PCDHA12: variants seen among roughly 807,000 people sequenced by gnomAD.
The protein encoded by PCDHA12 is protocadherin alpha-12.
Under a neutral mutation model 60.0 loss-of-function variants are expected in PCDHA12, and 44 were observed. The ratio of observed to expected loss-of-function variants is 0.73; its 90% CI spans 0.58 to 0.94. The LOEUF (loss-of-function observed/expected upper bound fraction) is 0.94. PCDHA12 is among the 40% of genes least tolerant of loss of function. PCDHA12 has a pLI of 0.00. For missense variants in PCDHA12, 1,276 were observed against 1,239.7 expected, an observed-to-expected ratio of 1.03 and a Z score of -0.44; for synonymous variants, 569 against 553.0, an observed-to-expected ratio of 1.03 and a Z score of -0.40.
intron 1 of PCDHA12, chr5:140,927,409 A>C (rs1554204480): frequency 2.5e-6 from 4 of 1,614,002 alleles, no homozygotes; most frequent in Non-Finnish European, 3.4e-6. Flanking sequence ...TCGCCTGGAC[A>C]TGGGATCGCG....
intron 3 of PCDHA12, among the ~76,000 whole-genome samples, chr5:141,003,540 T>C (rs2098129225): frequency 6.6e-6 from 1 of 152,188 alleles, no homozygotes; most frequent in Non-Finnish European, 1.5e-5. Flanking sequence ...CTTGAACTCC[T>C]GGCTTCAAGT....
At chr5:140,946,374 CGGTT>C (rs1308149019) in intron 1 of PCDHA12, among the ~76,000 whole-genome samples, 6 of 151,656 alleles carry the variant, frequency 4.0e-5, no homozygotes, top group Non-Finnish European at 5.9e-5. Flanking sequence ...CTCTTGCACA[CGGTT>C]GGTAGGAATG....
intron 1 of PCDHA12, among the ~76,000 whole-genome samples, chr5:140,942,587 CAT>C (rs2093330311): frequency 6.7e-6 from 1 of 148,732 alleles, no homozygotes; most frequent in East Asian, 2.0e-4. Flanking sequence ...TAGGATGTCA[CAT>C]ATAATTATAG....
At chr5:141,002,342 C>A (rs1047277199) in intron 3 of PCDHA12, among the ~76,000 whole-genome samples, 3 of 152,070 alleles carry the variant, frequency 2.0e-5, no homozygotes, top group African/African-American at 4.8e-5. Flanking sequence ...CGCACCCCTT[C>A]CCCCACCTCC....
chr5:140,883,557 G>T, intron 1 of PCDHA12: 1 of 1,614,214 alleles, frequency 6.2e-7, no homozygotes, highest in South Asian at 1.1e-5. Flanking sequence ...GCGCGGGACG[G>T]GGGCTCGCCT....
chr5:140,909,117 G>T lies in PCDHA12; in HGVS notation c.2367+31278G>T, dbSNP rs576916273. Among the ~76,000 whole-genome samples the T allele has an allele frequency of 1.1e-4, 16 of 152,272 alleles. No homozygotes were observed. The South Asian group carries it at 3.1e-3, about 30-fold the overall frequency. On this transcript the variant is annotated intron_variant, in intron 1 of 3. Transcript: ENST00000398631. ...ACTCACTGGGTCCAATCAGCAAAAT[G>T]TCATCAAGGTAATGAACCAGTGTGA...
chr5:140,948,255 C>G (rs1271882562), intron 1 of PCDHA12, among the ~76,000 whole-genome samples: 1 of 151,484 alleles, frequency 6.6e-6, no homozygotes, highest in Non-Finnish European at 1.5e-5. Flanking sequence ...ATTTTTACAT[C>G]TGTGTTCATG....
chr5:140,968,966 T>C (rs781901506), intron 1 of PCDHA12: 1 of 1,614,216 alleles, frequency 6.2e-7, no homozygotes, highest in East Asian at 2.2e-5. Context: ...GTGCTACCGC[T>C]ACACTGCGTA....
chr5:140,913,284 G>A (rs1201275371), intron 1 of PCDHA12, among the ~76,000 whole-genome samples: 1 of 152,026 alleles, frequency 6.6e-6, no homozygotes, highest in Non-Finnish European at 1.5e-5. Context: ...GTCTGTTTAG[G>A]TTTTAATTTC....
rs536640692 is a variant in PCDHA12 at position 140,927,687 on chromosome 5, T to TG, written c.2367+49852dup. ...CCTTGGATCCAGATGAAGGGTCCAATGGGGAAGTCCAGTACTCCCTAAGCA... is the reference window on the plus strand; with the variant it reads ...CCTTGGATCCAGATGAAGGGTCCAATGGGGGAAGTCCAGTACTCCCTAAGCA... On this transcript the variant is annotated intron_variant, in intron 1 of 3. Coordinates refer to ENST00000398631, the MANE Select transcript of PCDHA12 (RefSeq NM_018903.4). The TG allele has an allele frequency of 3.2e-4, 518 of 1,614,158 alleles. 3 individuals carry two copies. In the Middle Eastern group the frequency reaches 0.011, roughly 35 times the overall value.
chr5:141,004,092 C>T (rs1245515449), intron 3 of PCDHA12, among the ~76,000 whole-genome samples: 1 of 152,198 alleles, frequency 6.6e-6, no homozygotes, highest in Non-Finnish European at 1.5e-5. Context: ...TGTGCTTCTT[C>T]CGTTTTCATC....
At chr5:140,927,782 C>T (rs550993125) in intron 1 of PCDHA12, 50 of 1,614,098 alleles carry the variant, frequency 3.1e-5, no homozygotes, top group South Asian at 2.2e-4. Context: ...CAAGTAGCTG[C>T]TTCACTAGGT....
chr5:141,008,036 C>G (rs1372261299), intron 3 of PCDHA12, among the ~76,000 whole-genome samples: 1 of 151,938 alleles, frequency 6.6e-6, no homozygotes, highest in Non-Finnish European at 1.5e-5. Context: ...GTTAATCTGC[C>G]TTTTGTAACA....
chr5:140,908,456 T>C (rs557022321), intron 1 of PCDHA12, among the ~76,000 whole-genome samples: 2 of 152,174 alleles, frequency 1.3e-5, no homozygotes, highest in South Asian at 4.1e-4. Context: ...GCTAGATGGA[T>C]CAGAAAGCAC....
At chr5:140,884,296 ACAGG>A in intron 1 of PCDHA12, 1 of 1,613,674 alleles carries the variant, frequency 6.2e-7, no homozygotes, top group Non-Finnish European at 8.5e-7. Flanking sequence ...GCCAAGCGCC[ACAGG>A]CTTCGTCGAG....
At chr5:140,993,540 A>T (rs1189758746) in intron 3 of PCDHA12, among the ~76,000 whole-genome samples, 7 of 151,678 alleles carry the variant, frequency 4.6e-5, no homozygotes, top group Non-Finnish European at 8.8e-5. Context: ...AGAGAGAGAT[A>T]GAGAAGTGAA....
intron 1 of PCDHA12, chr5:140,926,299 C>G (rs547710989): frequency 3.9e-5 from 6 of 152,464 alleles, no homozygotes; most frequent in Admixed American, 3.9e-4. Context: ...GAGTCCCGCC[C>G]TCTCCGCCGG....
chr5:140,927,967 AT>A, intron 1 of PCDHA12: 1 of 1,614,172 alleles, frequency 6.2e-7, no homozygotes, highest in Non-Finnish European at 8.5e-7. Context: ...TGGCACAGTG[AT>A]TGCTCTCTTT....
intron 1 of PCDHA12, among the ~76,000 whole-genome samples, chr5:140,925,482 A>G (rs1238702660): frequency 2.0e-5 from 3 of 152,088 alleles, no homozygotes; most frequent in Admixed American, 6.6e-5. Flanking sequence ...TTCTCATAGA[A>G]CTGATCACTG....
Sources: gnomAD v4.1 joint callset for allele counts (sites outside exome capture counted in the v4.1 genomes callset) on GRCh38, gnomAD v4.1.1 for gene constraint, MANE v1.5 for transcripts, NCBI Gene and HGNC (gene_info 2026-07-23, HGNC 2026-07-21) for gene names.